Variants in ACACB observed in about 807,000 individuals in gnomAD.
ACACB encodes acetyl-CoA carboxylase beta.
In ACACB, 209 loss-of-function variants were observed where a neutral mutation model predicts 278.8. That is an observed-to-expected ratio of 0.75 (90% CI 0.67 to 0.84). ACACB has a LOEUF of 0.84. Among genes scored for constraint, ACACB ranks in the 40% least tolerant of loss-of-function variants. The pLI is 0.00. For synonymous variants in ACACB, 1,174 were observed against 1,285.6 expected (o/e 0.91, Z 1.86); for missense variants, 2,850 against 3,269.0 (o/e 0.87, Z 3.13).
chr12:109,214,102 G>GAA (rs370729692), intron 22 of ACACB, among the ~76,000 whole-genome samples: 2 of 143,956 alleles, frequency 1.4e-5, no homozygotes, highest in African/African-American at 5.1e-5. Context: ...AAAAAAAAAA[G>GAA]AAAAAAAAAA....
At chr12:109,146,115 G>A (rs567207759) in intron 2 of ACACB, among the ~76,000 whole-genome samples, 9 of 152,312 alleles carry the variant, frequency 5.9e-5, no homozygotes, top group East Asian at 1.9e-4. Context: ...ATGGAAGCAG[G>A]GGCTAGAGGT....
In ACACB at chr12:109,266,321, G is replaced by A. The variant is rs551014194; in HGVS notation, c.7336G>A (p.Val2446Ile). The A allele has an allele frequency of 2.1e-5, 34 of 1,613,044 alleles. No individual in the cohort carries two copies. The Admixed American group carries it at 2.3e-4, about 11-fold the overall frequency. ...CAGCCCAGCTGAGCGGGCGCAGGTC[G>A]TTCACCTGCTGTCTACCATGGACAG... ...HISPAERAQV[V>I]HLLSTMDSPA... Residue 2446 changes from valine to isoleucine, a missense_variant, in exon 53 of 53, where the codon GTT (valine) becomes ATT (isoleucine). Val to Ile is a conservative substitution (Grantham distance 29). Transcript: ENST00000338432.
Position 109,258,137 on chromosome 12 carries a change from C to T in ACACB, c.6264-131C>T, listed in dbSNP as rs2136812009. Reference sequence around the variant, plus strand: ...TTACCATTTGGGGGCTTTTTCTTTGCCTTCCAATAAAATAATCCGCCAGAT... The same window carrying T: ...TTACCATTTGGGGGCTTTTTCTTTGTCTTCCAATAAAATAATCCGCCAGAT... On this transcript the variant is annotated intron_variant, in intron 45 of 52. Transcript: ENST00000338432. 6.0e-6 allele frequency: 4 copies of T among 663,780 alleles called. No individual in the cohort carries two copies. The South Asian group carries it at 8.3e-5, about 14-fold the overall frequency. The allele number at this position is 663,780 out of a possible 1,614,324, so 41.1% of individuals were successfully genotyped here. A position where few individuals can be genotyped will look rare whatever the true frequency, so the allele number is the denominator to read the frequency against.
chr12:109,262,560 T>C, intron 49 of ACACB, 91 bp downstream of exon 49: 3 of 713,488 alleles, frequency 4.2e-6, no homozygotes, highest in Non-Finnish European at 7.1e-6. Context: ...AAAAATAAAA[T>C]GAAAAAATAC....
intron 1 of ACACB, among the ~76,000 whole-genome samples, chr12:109,117,154 G>GTTC (rs1207487751): frequency 1.3e-5 from 2 of 149,952 alleles, no homozygotes; most frequent in Non-Finnish European, 3.0e-5. Flanking sequence ...GAGGTCAGGA[G>GTTC]TTCGAGACCA....
intron 17 of ACACB, 24 bp from the exon 18 acceptor site, chr12:109,199,378 T>C (rs763839750): frequency 8.2e-6 from 12 of 1,454,752 alleles, no homozygotes; most frequent in African/African-American, 2.9e-5. Context: ...TCAGTCTCCC[T>C]ACCCGACTCC....
At chr12:109,204,099 A>G (rs948586420) in intron 19 of ACACB, among the ~76,000 whole-genome samples, 1 of 152,060 alleles carries the variant, frequency 6.6e-6, no homozygotes, top group Non-Finnish European at 1.5e-5. Context: ...ATCTTTTGGT[A>G]TAGGCATACC....
chr12:109,231,810 G>C (rs2046480771), intron 28 of ACACB, among the ~76,000 whole-genome samples: 1 of 152,194 alleles, frequency 6.6e-6, no homozygotes, highest in Admixed American at 6.5e-5. Context: ...CACAAGTGAA[G>C]GGTTGTCTTC....
intron 24 of ACACB, among the ~76,000 whole-genome samples, chr12:109,218,974 C>T (rs979579396): frequency 2.0e-4 from 30 of 151,854 alleles, no homozygotes; most frequent in Admixed American, 2.0e-3. Context: ...ACCATGTTAG[C>T]CAGGCTGGTC....
intron 26 of ACACB, 53 bp from the exon 27 acceptor site, chr12:109,223,762 C>A: frequency 1.3e-6 from 2 of 1,530,118 alleles, no homozygotes; most frequent in South Asian, 2.2e-5. Context: ...AAAGAAAAAC[C>A]TGAAACTTGT....
rs150235040 is a variant in ACACB, at chr12:109,265,424, G to A, written c.7149G>A (p.Gln2383=). Residue 2383 remains glutamine, a synonymous_variant, in exon 52 of 53, where the codon CAG becomes CAA. Coordinates refer to ENST00000338432, the MANE Select transcript of ACACB (RefSeq NM_001093.4). ...YLWDNNQVVV[Q]WLEQHWQAGD... ...GGGACAACAACCAGGTGGTTGTGCA[G>A]TGGCTGGAACAGCACTGGCAGGCAG... 83 of 1,613,758 alleles carry A rather than the reference G, an allele frequency of 5.1e-5. No homozygotes were observed. The African/African-American group carries it at 9.6e-4, about 19-fold the overall frequency.
rs765876602 is a variant in ACACB, at chr12:109,210,063, GTA to G, written c.3249+716_3249+717del. Among the ~76,000 whole-genome samples, 14 of 86,612 alleles carry G rather than the reference GTA, an allele frequency of 1.6e-4. 2 individuals carry two copies. The highest frequency in any genetic ancestry group is 2.4e-4 in the Non-Finnish European group (9 of 37,372). The allele number at this position is 86,612 out of a possible 152,430, so 56.8% of individuals were successfully genotyped here. Reference sequence around the variant, plus strand: ...TATGTGTATATATACACACACGTGTGTATATATGTGTATATATGTATATATAC... The same window carrying G: ...TATGTGTATATATACACACACGTGTGTATATGTGTATATATGTATATATAC... On this transcript the variant is annotated intron_variant, in intron 21 of 52. Transcript: ENST00000338432.
At chr12:109,193,623 A>G (rs781255088) in intron 15 of ACACB, 25 bp from the exon 16 acceptor site, 1 of 1,593,994 alleles carries the variant, frequency 6.3e-7, no homozygotes, top group Non-Finnish European at 8.6e-7. Flanking sequence ...CCCAAGGCTG[A>G]CCACAACCCT....
At chr12:109,163,071 A>C (rs901195681) in intron 2 of ACACB, among the ~76,000 whole-genome samples, 4 of 152,042 alleles carry the variant, frequency 2.6e-5, no homozygotes, top group Non-Finnish European at 5.9e-5. Flanking sequence ...TTACAGGTGC[A>C]CGCCACCAAG....
intron 42 of ACACB, 144 bp downstream of exon 42, chr12:109,252,300 G>C (rs994141219): frequency 1.8e-6 from 1 of 553,650 alleles, no homozygotes; most frequent in Admixed American, 3.8e-5. Flanking sequence ...TTTCCAATTT[G>C]CAGCTATCTG....
intron 46 of ACACB, 131 bp downstream of exon 46, chr12:109,258,495 C>A: frequency 3.0e-6 from 2 of 664,586 alleles, no homozygotes; most frequent in Admixed American, 2.8e-5. Flanking sequence ...CAGTCCCTGG[C>A]CCTGGGGGGC....
At chr12:109,192,232 G>A (rs1362811714) in intron 15 of ACACB, among the ~76,000 whole-genome samples, 1 of 152,154 alleles carries the variant, frequency 6.6e-6, no homozygotes, top group Admixed American at 6.5e-5. Context: ...TAATAGTCAG[G>A]AGTTCTGAGT....
rs368638584 is a variant in ACACB, at chr12:109,253,201, T to C, written c.6045+43T>C. On this transcript the variant is annotated intron_variant, in intron 43 of 52. Coordinates refer to ENST00000338432, the MANE Select transcript of ACACB (RefSeq NM_001093.4). ...CAGCTTAGAACCTGGAAGACTCTTA[T>C]TAAGCTCATTGGCTAATTCTGTCCC... is the stretch of plus-strand genomic sequence containing the variant. 5.6e-5 allele frequency: 84 copies of C among 1,497,098 alleles called. 1 individual carries two copies. In the South Asian group the frequency reaches 7.1e-4, roughly 13 times the overall value. 92.7% of individuals were successfully genotyped at this position (1,497,098 alleles called of 1,614,324 possible). A position where few individuals can be genotyped will look rare whatever the true frequency, so the allele number is the denominator to read the frequency against.
At position 109,198,354 on chromosome 12, in the gene ACACB, G is replaced by T. The variant is rs142968656; in HGVS notation, c.2628-1048G>T. Reference sequence around the variant, plus strand: ...TTTTCTGTGTCAGGCCCTGTTGGAAGTATGTCAGTAAAAGGAACCAGCTTT... The same window carrying T: ...TTTTCTGTGTCAGGCCCTGTTGGAATTATGTCAGTAAAAGGAACCAGCTTT... On this transcript the variant is annotated intron_variant, in intron 17 of 52. Transcript: ENST00000338432. 6.3e-3 allele frequency among the ~76,000 whole-genome samples: 958 copies of T among 152,296 alleles called. 5 individuals carry two copies. The highest frequency in any genetic ancestry group is 0.022 in the African/African-American group (895 of 41,566).
Sources: gnomAD v4.1 joint callset for allele counts (sites outside exome capture counted in the v4.1 genomes callset) on GRCh38, gnomAD v4.1.1 for gene constraint, MANE v1.5 for transcripts, NCBI Gene and HGNC (gene_info 2026-07-23, HGNC 2026-07-21) for gene names.